The following COL13A1 variants were observed in gnomAD, a reference collection of about 807,000 sequenced individuals.
COL13A1 encodes collagen type XIII alpha 1 chain.
COL13A1 carries 89 observed loss-of-function variants against 130.9 expected under a neutral mutation model. The observed-to-expected ratio is 0.68, with a 90% CI of 0.57 to 0.81. The LOEUF is 0.81. Ranked by LOEUF, COL13A1 falls within the 30% of genes least tolerant of loss-of-function variation. COL13A1 has a pLI of 0.00. For missense variants in COL13A1, 879 were observed against 934.6 expected (o/e 0.94, Z 0.78); for synonymous variants, 402 against 341.6 (o/e 1.18, Z -1.95).
chr10:69,841,976 G>T (rs1429260544), intron 2 of COL13A1, among the ~76,000 whole-genome samples: 1 of 152,168 alleles, frequency 6.6e-6, no homozygotes, highest in Non-Finnish European at 1.5e-5. Context: ...TAAGAGCAGT[G>T]GGGAGCCACC....
At chr10:69,922,680 G>A in intron 22 of COL13A1, 28 bp from the exon 23 acceptor site, 2 of 1,568,794 alleles carry the variant, frequency 1.3e-6, no homozygotes, top group South Asian at 1.2e-5. Context: ...TCCACACCAG[G>A]GATGCTAACT....
intron 1 of COL13A1, among the ~76,000 whole-genome samples, chr10:69,821,822 C>T (rs945054003): frequency 2.0e-5 from 3 of 152,178 alleles, no homozygotes; most frequent in Non-Finnish European, 4.4e-5. Context: ...CTCTGATGCT[C>T]CCACCTCTTT....
At chr10:69,810,313 G>C (rs1443785994) in intron 1 of COL13A1, among the ~76,000 whole-genome samples, 1 of 148,688 alleles carries the variant, frequency 6.7e-6, no homozygotes, top group Non-Finnish European at 1.5e-5. Flanking sequence ...TCGGGTGATC[G>C]TGTTCTGCGG....
chr10:69,944,149 C>T lies in COL13A1; in HGVS notation c.1939C>T (p.Pro647Ser), dbSNP rs966845220. The T allele has an allele frequency of 1.2e-6, 2 of 1,613,860 alleles. No homozygotes were observed. The highest frequency in any genetic ancestry group is 2.2e-5 in the South Asian group (2 of 91,066). The change falls in exon 36 of 41, where the codon CCA (proline) becomes TCA (serine). Residue 647 changes from proline to serine, a missense_variant. Physicochemically the swap from Pro to Ser is moderately conservative, Grantham distance 74. Around this residue, in one of 3 missense-constraint regions of COL13A1, gnomAD observed 96 missense variants for 147.7 expected, o/e 0.65. Coordinates refer to ENST00000645393, the MANE Select transcript of COL13A1 (RefSeq NM_001368882.1). ...PPGTPGPIGV[P>S]GPAGPKGERG... ...GGGTACTCCAGGACCAATTGGAGTTCCAGGCCCAGCGGGACCAAAGGGCGA... is the reference window on the plus strand; with the variant it reads ...GGGTACTCCAGGACCAATTGGAGTTTCAGGCCCAGCGGGACCAAAGGGCGA...
At chr10:69,879,053 G>A (rs2059889049) in intron 6 of COL13A1, among the ~76,000 whole-genome samples, 1 of 152,212 alleles carries the variant, frequency 6.6e-6, no homozygotes, top group Admixed American at 6.5e-5. Flanking sequence ...TATTTTGTCT[G>A]TTTTCCCAAC....
intron 17 of COL13A1, among the ~76,000 whole-genome samples, chr10:69,915,499 C>T (rs551296157): frequency 4.4e-4 from 67 of 152,350 alleles, no homozygotes; most frequent in African/African-American, 1.5e-3. Context: ...AAAGTGAAGC[C>T]ATCTCAGGCA....
chr10:69,823,475 TC>T (rs1342113384), intron 2 of COL13A1, among the ~76,000 whole-genome samples: 1 of 152,194 alleles, frequency 6.6e-6, no homozygotes, highest in Non-Finnish European at 1.5e-5. Context: ...GCGTGTGGCC[TC>T]CTCGATACCC....
intron 14 of COL13A1, among the ~76,000 whole-genome samples, chr10:69,899,872 G>A (rs900772888): frequency 1.3e-5 from 2 of 152,126 alleles, no homozygotes; most frequent in African/African-American, 4.8e-5. Context: ...CCTGACCGCA[G>A]AGCCTCAAGC....
rs200648612 is a variant in COL13A1 at position 69,805,232 on chromosome 10, A to AGAGT, written c.294+2521_294+2524dup. On this transcript the variant is annotated intron_variant, in intron 1 of 40. Coordinates refer to ENST00000645393, the MANE Select transcript of COL13A1 (RefSeq NM_001368882.1). ...TTTTCAGGAAGGCAGTTATGCCCCTAGAGTGAGTGCTTACGGCTGGCAAAG... is the reference window on the plus strand; with the variant it reads ...TTTTCAGGAAGGCAGTTATGCCCCTAGAGTGAGTGAGTGCTTACGGCTGGCAAAG... Among the ~76,000 whole-genome samples, 38 of 152,336 alleles carry AGAGT rather than the reference A, an allele frequency of 2.5e-4. No individual in the cohort carries two copies. In the East Asian group the frequency reaches 7.0e-3, roughly 28 times the overall value.
chr10:69,947,391 A>T, intron 38 of COL13A1, 49 bp downstream of exon 38: 1 of 1,509,944 alleles, frequency 6.6e-7, no homozygotes, highest in Non-Finnish European at 9.1e-7. Context: ...TGTCTTCATG[A>T]TGGGGTGGAA....
intron 7 of COL13A1, among the ~76,000 whole-genome samples, chr10:69,880,920 A>C (rs569463911): frequency 1.3e-5 from 2 of 152,214 alleles, no homozygotes; most frequent in Non-Finnish European, 1.5e-5. Context: ...CTGGAAGCCC[A>C]TGGAGCAGAT....
chr10:69,899,384 C>T (rs2061969448), intron 14 of COL13A1, among the ~76,000 whole-genome samples: 1 of 152,188 alleles, frequency 6.6e-6, no homozygotes, highest in South Asian at 2.1e-4. Context: ...GATAAGGTAA[C>T]TGAGGCTCAG....
chr10:69,896,123 G>A (rs1320592712), intron 13 of COL13A1, among the ~76,000 whole-genome samples: 2 of 152,148 alleles, frequency 1.3e-5, no homozygotes, highest in Non-Finnish European at 2.9e-5. Context: ...AGCAATTCAA[G>A]GATAAAATCT....
At chr10:69,895,421 C>A in intron 12 of COL13A1, 129 bp from the exon 13 acceptor site, 2 of 1,035,216 alleles carry the variant, frequency 1.9e-6, no homozygotes, top group South Asian at 1.3e-5. Flanking sequence ...GGGCTCAGAC[C>A]AAAACTAGAG....
chr10:69,873,398 C>T (rs2059269728), intron 4 of COL13A1, among the ~76,000 whole-genome samples: 2 of 152,138 alleles, frequency 1.3e-5, no homozygotes, highest in Non-Finnish European at 2.9e-5. Flanking sequence ...GTGAATCGGT[C>T]CCATGAAATC....
chr10:69,818,556 G>A (rs1754833567), intron 1 of COL13A1, among the ~76,000 whole-genome samples: 1 of 152,208 alleles, frequency 6.6e-6, no homozygotes, highest in Admixed American at 6.5e-5. Context: ...GAGATGAGAA[G>A]TCCCTTAATC....
chr10:69,884,043 T>C (rs1445943715), intron 7 of COL13A1, among the ~76,000 whole-genome samples: 1 of 152,222 alleles, frequency 6.6e-6, no homozygotes, highest in Non-Finnish European at 1.5e-5. Context: ...CATTTCTGAC[T>C]TGAGTAACAC....
chr10:69,915,484 G>A (rs974951125), intron 17 of COL13A1, among the ~76,000 whole-genome samples: 5 of 152,336 alleles, frequency 3.3e-5, no homozygotes, highest in East Asian at 3.9e-4. Context: ...GGCCCAAAGA[G>A]GATAAAAGTG....
intron 1 of COL13A1, among the ~76,000 whole-genome samples, chr10:69,816,408 G>C (rs1355739493): frequency 6.6e-6 from 1 of 151,608 alleles, no homozygotes; most frequent in Non-Finnish European, 1.5e-5. Context: ...GGCTAATTCT[G>C]AGATGCCTAT....
Sources: gnomAD v4.1 joint callset for allele counts (sites outside exome capture counted in the v4.1 genomes callset) on GRCh38, gnomAD v4.1.1 for gene constraint, gnomAD v4.1.1 regional missense constraint, MANE v1.5 for transcripts, NCBI Gene and HGNC (gene_info 2026-07-23, HGNC 2026-07-21) for gene names.